Variants in ZNF704 observed in about 807,000 individuals in gnomAD.
The protein encoded by ZNF704 is glucocorticoid induced gene 1.
In ZNF704, 10 loss-of-function variants were observed where a neutral mutation model predicts 44.7. The observed-to-expected ratio is 0.22, with a 90% CI of 0.14 to 0.38. The LOEUF (loss-of-function observed/expected upper bound fraction) is 0.38. ZNF704 is among the 10% of genes least tolerant of loss of function. The pLI, the probability that ZNF704 is intolerant of heterozygous loss-of-function variation, is 1.00. For missense variants in ZNF704, 390 were observed against 545.5 expected, an observed-to-expected ratio of 0.71 and a Z score of 2.84; for synonymous variants, 211 against 207.6, an observed-to-expected ratio of 1.02 and a Z score of -0.14.
chr8:80,699,780 C>T (rs939923823), intron 2 of ZNF704, among the ~76,000 whole-genome samples: 33 of 152,272 alleles, frequency 2.2e-4, no homozygotes, highest in African/African-American at 7.2e-4. Context: ...CCTCCTGTCC[C>T]TCTTTCTCCC....
chr8:80,676,952 G>A (rs1818377851), intron 4 of ZNF704, among the ~76,000 whole-genome samples: 1 of 152,226 alleles, frequency 6.6e-6, no homozygotes, highest in South Asian at 2.1e-4. Flanking sequence ...TGTGCGGACT[G>A]ATAACCAGCC....
intron 2 of ZNF704, among the ~76,000 whole-genome samples, chr8:80,803,241 C>A (rs535083418): frequency 1.3e-5 from 2 of 152,168 alleles, no homozygotes; most frequent in Non-Finnish European, 2.9e-5. Flanking sequence ...GAATCCGTAT[C>A]ATTAAAATGG....
At chr8:80,730,316 T>C (rs1183769185) in intron 2 of ZNF704, among the ~76,000 whole-genome samples, 1 of 152,050 alleles carries the variant, frequency 6.6e-6, no homozygotes, top group Non-Finnish European at 1.5e-5. Flanking sequence ...AGTGGGCAGA[T>C]CACCTGAAGT....
intron 2 of ZNF704, among the ~76,000 whole-genome samples, chr8:80,731,400 A>AC (rs2131681041): frequency 6.6e-6 from 1 of 152,332 alleles, no homozygotes; most frequent in African/African-American, 2.4e-5. Context: ...TCAATGGTAT[A>AC]CATACATGAT....
chr8:80,860,710 C>T (rs1458027672), intron 1 of ZNF704, among the ~76,000 whole-genome samples: 3 of 152,194 alleles, frequency 2.0e-5, no homozygotes, highest in Admixed American at 1.3e-4. Context: ...TCCTCTCCTA[C>T]CTTTAACCAA....
In ZNF704 at chr8:80,734,181, C is replaced by T. The variant is rs1806627638; in HGVS notation, c.222-41074G>A. On this transcript the variant is annotated intron_variant, in intron 2 of 8. Coordinates refer to ENST00000327835, the MANE Select transcript of ZNF704 (RefSeq NM_001033723.3). ...CAAGCAGTTTCCTGCAGGACCAGAT[C>T]ACTAGACAAGCTGGCCATTGCTTCT... 5.3e-5 allele frequency among the ~76,000 whole-genome samples: 8 copies of T among 152,332 alleles called. No homozygotes were observed. In the South Asian group the frequency reaches 1.7e-3, roughly 32 times the overall value.
At chr8:80,641,995 A>C (rs1817752048) in intron 8 of ZNF704, among the ~76,000 whole-genome samples, 1 of 152,228 alleles carries the variant, frequency 6.6e-6, no homozygotes, top group Non-Finnish European at 1.5e-5. Flanking sequence ...GAATTAAACA[A>C]GTAAACACAA....
chr8:80,758,601 A>G (rs1052857757), intron 2 of ZNF704, among the ~76,000 whole-genome samples: 22 of 152,214 alleles, frequency 1.4e-4, no homozygotes, highest in Non-Finnish European at 2.8e-4. Context: ...TAATAATAAA[A>G]TAGCTAATAC....
chr8:80,679,187 C>T (rs1306512409), intron 4 of ZNF704, among the ~76,000 whole-genome samples: 2 of 152,102 alleles, frequency 1.3e-5, no homozygotes, highest in South Asian at 4.1e-4. Context: ...TTCCCCTAAC[C>T]CTGTCTACAC....
Position 80,836,926 on chromosome 8 carries a change from C to T in ZNF704, c.-21-15311G>A, listed in dbSNP as rs574916660. Among the ~76,000 whole-genome samples, 12 of 152,226 alleles carry T rather than the reference C, an allele frequency of 7.9e-5. No individual in the cohort carries two copies. The East Asian group carries it at 1.9e-3, about 24-fold the overall frequency. On this transcript the variant is annotated intron_variant, in intron 1 of 8. Transcript: ENST00000327835. ...GTCCAAGCTGCTCCACCAGAATATTCGCTCCATGAAGATAACAGGCATTTT... is the reference window on the plus strand; with the variant it reads ...GTCCAAGCTGCTCCACCAGAATATTTGCTCCATGAAGATAACAGGCATTTT...
chr8:80,656,227 G>A (rs1280214793), intron 7 of ZNF704, among the ~76,000 whole-genome samples: 2 of 152,130 alleles, frequency 1.3e-5, no homozygotes, highest in Non-Finnish European at 2.9e-5. Context: ...CATGCACAGT[G>A]AGAAGGCAGC....
intron 2 of ZNF704, among the ~76,000 whole-genome samples, chr8:80,766,743 C>T (rs921937111): frequency 2.6e-5 from 4 of 152,240 alleles, no homozygotes; most frequent in African/African-American, 4.8e-5. Context: ...GACTGAGTCT[C>T]GCTCTGTGAC....
At chr8:80,660,976 G>A (rs973115710) in intron 6 of ZNF704, among the ~76,000 whole-genome samples, 4 of 152,062 alleles carry the variant, frequency 2.6e-5, no homozygotes, top group African/African-American at 4.8e-5. Flanking sequence ...GCTTCTGCAC[G>A]GCACAAGAAA....
At chr8:80,853,672 T>C (rs753283771) in intron 1 of ZNF704, among the ~76,000 whole-genome samples, 1 of 152,034 alleles carries the variant, frequency 6.6e-6, no homozygotes, top group Admixed American at 6.6e-5. Context: ...GGAAGAAAGG[T>C]GACAGGAAAA....
chr8:80,877,697 A>G (rs780214077), upstream of ZNF704, among the ~76,000 whole-genome samples: 98 of 152,324 alleles, frequency 6.4e-4, no homozygotes, highest in Admixed American at 1.5e-3. Flanking sequence ...TTCATTCTGC[A>G]TGGATTTGTT....
At chr8:80,684,594 T>C (rs1686658449) in intron 4 of ZNF704, among the ~76,000 whole-genome samples, 1 of 152,200 alleles carries the variant, frequency 6.6e-6, no homozygotes, top group Admixed American at 6.5e-5. Context: ...AGACAGAACA[T>C]ATTGTCTGGT....
chr8:80,868,992 G>A (rs1809203874), intron 1 of ZNF704, among the ~76,000 whole-genome samples: 1 of 152,194 alleles, frequency 6.6e-6, no homozygotes, highest in Non-Finnish European at 1.5e-5. Context: ...GCATGTGGGT[G>A]CCACCTCTGG....
At chr8:80,881,884 C>T in the ZNF704 span, among the ~76,000 whole-genome samples, 39 of 152,184 alleles carry the variant, frequency 2.6e-4, no homozygotes, top group African/African-American at 8.4e-4. Flanking sequence ...GCTGAGATAG[C>T]GCCAGTGCAG....
intron 1 of ZNF704, among the ~76,000 whole-genome samples, chr8:80,865,870 T>C (rs1356197954): frequency 1.3e-5 from 2 of 152,130 alleles, no homozygotes; most frequent in African/African-American, 4.8e-5. Context: ...AAGGAGAGTC[T>C]GAACATTACA....
Sources: gnomAD v4.1 joint callset for allele counts (sites outside exome capture counted in the v4.1 genomes callset) on GRCh38, gnomAD v4.1.1 for gene constraint, MANE v1.5 for transcripts, NCBI Gene and HGNC (gene_info 2026-07-23, HGNC 2026-07-21) for gene names.